Variants in TRANK1 observed in about 807,000 individuals in gnomAD.
TRANK1 encodes tetratricopeptide repeat and ankyrin repeat containing 1.
A neutral mutation model predicts 266.0 loss-of-function variants in TRANK1; 198 were observed. The ratio of observed to expected loss-of-function variants is 0.74; its 90% CI spans 0.66 to 0.84. The LOEUF (loss-of-function observed/expected upper bound fraction) is 0.84, where lower values mean the gene tolerates loss of function less well. TRANK1 is among the 40% of genes least tolerant of loss of function. The probability of loss-of-function intolerance (pLI) is 0.00; values close to 1 mark genes in which losing one functional copy is unlikely to be tolerated. For synonymous variants in TRANK1, 1,396 were observed against 1,384.1 expected (o/e 1.01, Z -0.19); for missense variants, 3,326 against 3,634.6 (o/e 0.92, Z 2.18).
rs572637646 is a variant in TRANK1, at chr3:36,861,758, T to C, written c.1241-598A>G. Among the ~76,000 whole-genome samples the C allele has an allele frequency of 4.9e-5, 7 of 143,600 alleles. No individual in the cohort carries two copies. In the East Asian group the frequency reaches 1.5e-3, roughly 31 times the overall value. The allele number at this position is 143,600 out of a possible 152,430, so 94.2% of individuals were successfully genotyped here. On this transcript the variant is annotated intron_variant, in intron 10 of 23. Transcript: ENST00000645898. ...TCTCACTCTGTCGCCCAGGCTGGAA[T>C]ACAGTGGCGCGATCTCGGCTCACTG...
Position 36,858,749 on chromosome 3 carries a change from A to G in TRANK1, c.1641T>C (p.His547=). 1 of 1,536,378 alleles carries G rather than the reference A, an allele frequency of 6.5e-7. No individual in the cohort carries two copies. The highest frequency in any genetic ancestry group is 8.7e-7 in the Non-Finnish European group (1 of 1,146,466). Residue 547 remains histidine, a synonymous_variant, in exon 12 of 24, where the codon CAT becomes CAC. Transcript: ENST00000645898. ...TCTCTAGAAAGATGTGGAGTGCTGC[A>G]TGCAAAGGAGTATCACCTTCCGTGA... is the stretch of plus-strand genomic sequence containing the variant. ...ISLTEGDTPL[H]AALHIFLEIK...
At chr3:36,842,494 T>C (rs1575188164) in intron 18 of TRANK1, 128 bp downstream of exon 18, 1 of 789,972 alleles carries the variant, frequency 1.3e-6, no homozygotes, top group East Asian at 2.7e-5. Flanking sequence ...ACCTGATGTT[T>C]CAGAACACGT....
chr3:36,943,032 T>A lies in TRANK1; in HGVS notation c.23+1755A>T, dbSNP rs372742330. Among the ~76,000 whole-genome samples, 26 of 152,066 alleles carry A rather than the reference T, an allele frequency of 1.7e-4. No individual in the cohort carries two copies. The South Asian group carries it at 5.0e-3, about 29-fold the overall frequency. ...ACCGTCTCCACTAAAAATACAAAAA[T>A]TAGTCAGGCTTGGTGGCGCCCCACC... On this transcript the variant is annotated intron_variant, in intron 1 of 23. Coordinates refer to ENST00000645898, the MANE Select transcript of TRANK1 (RefSeq NM_001329998.2).
At chr3:36,926,420 T>C (rs2080289023) in intron 1 of TRANK1, among the ~76,000 whole-genome samples, 1 of 152,126 alleles carries the variant, frequency 6.6e-6, no homozygotes, top group Admixed American at 6.5e-5. Flanking sequence ...AGCCCAATAC[T>C]CTGGATTAGA....
At chr3:36,860,760 G>A in intron 11 of TRANK1, 146 bp downstream of exon 11, 2 of 1,249,246 alleles carry the variant, frequency 1.6e-6, no homozygotes, top group Non-Finnish European at 2.2e-6. Flanking sequence ...CTCCATCACT[G>A]TTTCAAAACA....
At chr3:36,901,817 C>T (rs1404017547) in intron 3 of TRANK1, among the ~76,000 whole-genome samples, 3 of 152,082 alleles carry the variant, frequency 2.0e-5, no homozygotes, top group Non-Finnish European at 2.9e-5. Context: ...GCAGGTTTGG[C>T]CAATCAAGGA....
intron 3 of TRANK1, 62 bp from the exon 4 acceptor site, chr3:36,899,321 G>A: frequency 6.7e-7 from 1 of 1,489,858 alleles, no homozygotes; most frequent in Non-Finnish European, 8.9e-7. Flanking sequence ...GCTGGTGAAA[G>A]AAAAAGCAAA....
chr3:36,880,163 T>C (rs1364165787), intron 8 of TRANK1: 2 of 145,964 alleles, frequency 1.4e-5, no homozygotes, highest in Non-Finnish European at 1.5e-5. Flanking sequence ...TATATATATA[T>C]AAAACAATGT....
In TRANK1 at chr3:36,879,697, A is replaced by AATATATAAAT. The variant is rs1163957010; in HGVS notation, c.908-5402_908-5401insATTTATATAT. Among the ~76,000 whole-genome samples, 11 of 78,680 alleles carry AATATATAAAT rather than the reference A, an allele frequency of 1.4e-4. 1 individual carries two copies. Among genetic ancestry groups the AATATATAAAT allele is most frequent in the African/African-American group, 8.0e-4 (11 of 13,818 alleles). The allele number at this position is 78,680 out of a possible 152,430, so 51.6% of individuals were successfully genotyped here. On this transcript the variant is annotated intron_variant, in intron 8 of 23. Coordinates refer to ENST00000645898, the MANE Select transcript of TRANK1 (RefSeq NM_001329998.2). ...AAATATATAAATATATAAATATATA[A>AATATATAAAT]ATATAAATATAAATATATAAATATA... is the stretch of plus-strand genomic sequence containing the variant.
At chr3:36,903,573 C>T (rs73826911) in intron 2 of TRANK1, among the ~76,000 whole-genome samples, 3,633 of 152,360 alleles carry the variant, frequency 0.024, 158 homozygotes, top group African/African-American at 0.083. Flanking sequence ...TCTCCATTGC[C>T]AGCCCTCAGA....
At chr3:36,934,173 T>G (rs2080394363) in intron 1 of TRANK1, among the ~76,000 whole-genome samples, 1 of 152,212 alleles carries the variant, frequency 6.6e-6, no homozygotes, top group East Asian at 1.9e-4. Flanking sequence ...GGCCCTTTCC[T>G]GGGAGTTTCT....
chr3:36,930,267 C>A (rs2080343671), intron 1 of TRANK1, among the ~76,000 whole-genome samples: 2 of 152,104 alleles, frequency 1.3e-5, no homozygotes, highest in South Asian at 4.1e-4. Flanking sequence ...ACGTGGGTCA[C>A]CTTAAGGAAC....
At chr3:36,858,169 A>T (rs1342300730) in intron 12 of TRANK1, 120 bp from the exon 13 acceptor site, 1 of 808,440 alleles carries the variant, frequency 1.2e-6, no homozygotes, top group African/African-American at 1.7e-5. Context: ...TCCCCCAAAA[A>T]ATCTGAAATC....
intron 9 of TRANK1, among the ~76,000 whole-genome samples, chr3:36,866,883 A>C (rs1386464004): frequency 6.6e-6 from 1 of 151,984 alleles, no homozygotes; most frequent in African/African-American, 2.4e-5. Context: ...TCTAAATCAC[A>C]CTTCAATAAA....
At position 36,855,513 on chromosome 3, in the gene TRANK1, G is replaced by A. The variant is rs1309534896; in HGVS notation, c.4209C>T (p.Ser1403=). The A allele has an allele frequency of 1.2e-6, 2 of 1,613,792 alleles. No homozygotes were observed. The highest frequency in any genetic ancestry group is 2.2e-5 in the South Asian group (2 of 91,072). The change falls in exon 13 of 24, where the codon TCC becomes TCT. Residue 1403 remains serine (S), a synonymous_variant. Transcript: ENST00000645898. ...SLFSLYQQIR[S]QKGYFDEEDV... ...CCTCTTCATCAAAATAACCTTTCTG[G>A]GACCTGATTTGCTGATACAGACTGA...
chr3:36,859,615 C>T (rs567947945), intron 11 of TRANK1, among the ~76,000 whole-genome samples: 147 of 152,290 alleles, frequency 9.7e-4, no homozygotes, highest in African/African-American at 3.2e-3. Flanking sequence ...CACACAGCTC[C>T]TCTGCATCAA....
At chr3:36,931,541 C>T (rs1205024442) in intron 1 of TRANK1, among the ~76,000 whole-genome samples, 3 of 151,728 alleles carry the variant, frequency 2.0e-5, no homozygotes, top group African/African-American at 7.3e-5. Flanking sequence ...CTCATCTCTA[C>T]AAAAAATGCA....
At chr3:36,834,207 G>C (rs2078737114) in intron 21 of TRANK1, among the ~76,000 whole-genome samples, 1 of 152,170 alleles carries the variant, frequency 6.6e-6, no homozygotes, top group South Asian at 2.1e-4. Context: ...AAATCCAAAA[G>C]TCAATCTATA....
At chr3:36,920,602 A>T (rs2080201071) in intron 1 of TRANK1, among the ~76,000 whole-genome samples, 1 of 152,246 alleles carries the variant, frequency 6.6e-6, no homozygotes, top group African/African-American at 2.4e-5. Flanking sequence ...AGCACTGTCC[A>T]GTGTGGAAGT....
Sources: gnomAD v4.1 joint callset for allele counts (sites outside exome capture counted in the v4.1 genomes callset) on GRCh38, gnomAD v4.1.1 for gene constraint, MANE v1.5 for transcripts, NCBI Gene and HGNC (gene_info 2026-07-23, HGNC 2026-07-21) for gene names.